The following KTN1 variants were observed in gnomAD, a reference collection of about 807,000 sequenced individuals.
The protein encoded by KTN1 is kinectin.
Under a neutral mutation model 222.5 loss-of-function variants are expected in KTN1, and 130 were observed. The observed-to-expected ratio is 0.58, with a 90% CI of 0.51 to 0.68. The LOEUF is 0.68. KTN1 is among the 30% of genes least tolerant of loss of function. The pLI, the probability that KTN1 is intolerant of heterozygous loss-of-function variation, is 0.00. For synonymous variants in KTN1, 512 were observed against 496.3 expected, an observed-to-expected ratio of 1.03 and a Z score of -0.42; for missense variants, 1,508 against 1,500.4, an observed-to-expected ratio of 1.01 and a Z score of -0.08.
At position 55,670,887 on chromosome 14, in the gene KTN1, G is replaced by A. The variant is rs2045382986; in HGVS notation, c.3348+78G>A. Reference sequence around the variant, plus strand: ...ATAAGATTTTGTCTTCATAAGCTTGGAAAAGATAAAAGATAATCGAATAAG... The same window carrying A: ...ATAAGATTTTGTCTTCATAAGCTTGAAAAAGATAAAAGATAATCGAATAAG... On this transcript the variant is annotated intron_variant, in intron 35 of 43. Coordinates refer to ENST00000395314, the MANE Select transcript of KTN1 (RefSeq NM_001079521.2). 2.5e-5 allele frequency: 24 copies of A among 947,152 alleles called. No homozygotes were observed. In the South Asian group the frequency reaches 3.6e-4, roughly 14 times the overall value. 58.7% of individuals were successfully genotyped at this position (947,152 alleles called of 1,614,324 possible).
intron 18 of KTN1, chr14:55,644,288 G>C: frequency 1.6e-6 from 1 of 610,282 alleles, no homozygotes; most frequent in Non-Finnish European, 3.0e-6. Flanking sequence ...TGACAGTTGA[G>C]AGATTGAACA....
In KTN1 at chr14:55,587,836, C is replaced by T. The variant is rs550180608; in HGVS notation, c.-31+7482C>T. ...TGGAGAATCATTTCTTAAATAGCTT[C>T]CAGTTTGACTAGATGTTTGCTGTAA... is the stretch of plus-strand genomic sequence containing the variant. On this transcript the variant is annotated intron_variant, in intron 1 of 43. Transcript: ENST00000395314. Among the ~76,000 whole-genome samples, 101 of 152,248 alleles carry T rather than the reference C, an allele frequency of 6.6e-4. 2 individuals carry two copies. The South Asian group carries it at 0.021, about 31-fold the overall frequency.
chr14:55,667,165 TA>T, intron 33 of KTN1, 75 bp from the exon 34 acceptor site: 1 of 906,510 alleles, frequency 1.1e-6, no homozygotes, highest in Non-Finnish European at 1.7e-6. Flanking sequence ...TATAAAACAC[TA>T]TAGTTTTTTT....
chr14:55,626,579 G>GTT (rs1279562508), intron 5 of KTN1, among the ~76,000 whole-genome samples: 1 of 149,078 alleles, frequency 6.7e-6, no homozygotes, highest in Non-Finnish European at 1.5e-5. Context: ...TATAGATCCT[G>GTT]TTTTGTTTTG....
At chr14:55,633,457 T>A (rs577984226) in intron 8 of KTN1, 116 bp downstream of exon 8, 27 of 552,860 alleles carry the variant, frequency 4.9e-5, no homozygotes, top group Non-Finnish European at 6.4e-5. Flanking sequence ...TACATTTGTT[T>A]CTAAAATGAG....
intron 1 of KTN1, among the ~76,000 whole-genome samples, chr14:55,595,218 A>T (rs1297984869): frequency 6.6e-6 from 1 of 152,234 alleles, no homozygotes; most frequent in Non-Finnish European, 1.5e-5. Flanking sequence ...TAAAACATTG[A>T]GTCTGAAATC....
intron 10 of KTN1, among the ~76,000 whole-genome samples, chr14:55,636,901 T>C (rs941456767): frequency 2.6e-5 from 4 of 151,864 alleles, no homozygotes; most frequent in African/African-American, 9.7e-5. Context: ...AGCATTACCA[T>C]CCCAGGTAGT....
intron 1 of KTN1, among the ~76,000 whole-genome samples, chr14:55,582,301 CA>C (rs1440700666): frequency 2.0e-5 from 3 of 152,146 alleles, no homozygotes; most frequent in Admixed American, 2.0e-4. Context: ...AAAAATGCCT[CA>C]CTTCAGTCTC....
At chr14:55,642,921 T>C (rs78128383) in intron 18 of KTN1, among the ~76,000 whole-genome samples, 9,126 of 151,934 alleles carry the variant, frequency 0.06, 367 homozygotes, top group South Asian at 0.088. Flanking sequence ...TTTTTTTTTT[T>C]CTTCTTGAGA....
intron 1 of KTN1, among the ~76,000 whole-genome samples, chr14:55,588,211 A>T (rs1255152052): frequency 6.6e-6 from 1 of 152,214 alleles, no homozygotes; most frequent in East Asian, 1.9e-4. Context: ...AAAGCTAAAG[A>T]AAAGAAAATG....
intron 1 of KTN1, among the ~76,000 whole-genome samples, chr14:55,590,358 C>T (rs371201727): frequency 1.3e-5 from 2 of 152,132 alleles, no homozygotes; most frequent in Non-Finnish European, 1.5e-5. Context: ...CACCTGTGTA[C>T]CTTTCTCTCA....
Position 55,647,009 on chromosome 14 carries a change from T to C in KTN1, c.2207+2T>C. On this transcript the variant is annotated splice_donor_variant, in intron 19 of 43. Coordinates refer to ENST00000395314, the MANE Select transcript of KTN1 (RefSeq NM_001079521.2). LOFTEE classifies it high-confidence loss of function. ...TGTTGTGGAACAAATGGAAAAATGG[T>C]AAGAGTTTAGTTTTCTTTTTATATT... 1.3e-6 allele frequency: 2 copies of C among 1,505,692 alleles called. No homozygotes were observed. The highest frequency in any genetic ancestry group is 1.8e-6 in the Non-Finnish European group (2 of 1,084,672). 93.3% of individuals were successfully genotyped at this position (1,505,692 alleles called of 1,614,324 possible). A position where few individuals can be genotyped will look rare whatever the true frequency, so the allele number is the denominator to read the frequency against.
chr14:55,630,691 T>C lies in KTN1; in HGVS notation c.1221+594T>C, dbSNP rs1396786902. Among the ~76,000 whole-genome samples the C allele has an allele frequency of 5.3e-5, 8 of 152,332 alleles. No homozygotes were observed. In the East Asian group the frequency reaches 1.3e-3, roughly 26 times the overall value. On this transcript the variant is annotated intron_variant, in intron 7 of 43. Transcript: ENST00000395314. ...GATAGAGGCCCCATCTTAAAGGGCC[T>C]TGTATACCTGAAGACTGGGGAGCCA...
At chr14:55,580,497 T>C (rs2031132116) in intron 1 of KTN1, 143 bp downstream of exon 1, 1 of 147,932 alleles carries the variant, frequency 6.8e-6, no homozygotes, top group African/African-American at 2.5e-5. Context: ...CGCCGCCCGC[T>C]GGGTAGGCCT....
At chr14:55,675,110 A>G (rs1270519386) in intron 40 of KTN1, 1 of 152,220 alleles carries the variant, frequency 6.6e-6, no homozygotes, top group Non-Finnish European at 1.5e-5. Flanking sequence ...AACTGTTTCA[A>G]AAGTGCCCAT....
intron 1 of KTN1, among the ~76,000 whole-genome samples, chr14:55,593,174 C>CT (rs2034431366): frequency 6.6e-6 from 1 of 151,946 alleles, no homozygotes; most frequent in Non-Finnish European, 1.5e-5. Flanking sequence ...TTTGGCAACC[C>CT]TTTTGCTACT....
At chr14:55,660,465 G>A (rs1395791229) in intron 31 of KTN1, among the ~76,000 whole-genome samples, 2 of 148,064 alleles carry the variant, frequency 1.4e-5, no homozygotes, top group African/African-American at 5.0e-5. Context: ...TACATTTAAG[G>A]TCATTTCACA....
chr14:55,646,442 T>TTTCC lies in KTN1; in HGVS notation c.2173-529_2173-528insCCTT, dbSNP rs71131299. ...CCTTTCTTTCCTTCCTTTCCTTTCC[T>TTTCC]TTTCCTTTTCCTTTTCCTTTTCCTT... On this transcript the variant is annotated intron_variant, in intron 18 of 43. Coordinates refer to ENST00000395314, the MANE Select transcript of KTN1 (RefSeq NM_001079521.2). Among the ~76,000 whole-genome samples, 491 of 71,472 alleles carry TTTCC rather than the reference T, an allele frequency of 6.9e-3. 8 individuals carry two copies. Among genetic ancestry groups the TTTCC allele is most frequent in the African/African-American group, 0.024 (435 of 18,370 alleles). The allele number at this position is 71,472 out of a possible 152,430, so 46.9% of individuals were successfully genotyped here. A position where few individuals can be genotyped will look rare whatever the true frequency, so the allele number is the denominator to read the frequency against.
At chr14:55,608,254 A>G (rs923831067) in intron 1 of KTN1, among the ~76,000 whole-genome samples, 3 of 152,026 alleles carry the variant, frequency 2.0e-5, no homozygotes, top group Admixed American at 1.3e-4. Context: ...TCTGATGCTC[A>G]TGGGTAAAAT....
Sources: allele counts gnomAD v4.1 joint callset (sites outside exome capture counted in the v4.1 genomes callset), GRCh38; gene constraint gnomAD v4.1.1; transcripts MANE v1.5; gene names NCBI Gene and HGNC (gene_info 2026-07-23, HGNC 2026-07-21).